Variants in SLC39A11 observed in about 807,000 individuals in gnomAD.
SLC39A11 encodes zinc transporter ZIP11.
A neutral mutation model predicts 36.1 loss-of-function variants in SLC39A11; 33 were observed. That is an observed-to-expected ratio of 0.91 (90% CI 0.69 to 1.22). SLC39A11 has a LOEUF of 1.22. SLC39A11 is among the 50% of genes most tolerant of loss of function. SLC39A11 has a pLI of 0.00. For missense variants in SLC39A11, 432 were observed against 430.3 expected, an observed-to-expected ratio of 1.00 and a Z score of -0.03; for synonymous variants, 166 against 170.3, an observed-to-expected ratio of 0.97 and a Z score of 0.20.
intron 6 of SLC39A11, among the ~76,000 whole-genome samples, chr17:72,806,042 C>A (rs933096560): frequency 1.3e-5 from 2 of 152,006 alleles, no homozygotes; most frequent in African/African-American, 4.8e-5. Flanking sequence ...TGTGAGCCAC[C>A]GCACCTGGTG....
At chr17:73,019,968 A>G (rs1005085754) in intron 4 of SLC39A11, among the ~76,000 whole-genome samples, 1 of 152,226 alleles carries the variant, frequency 6.6e-6, no homozygotes, top group Middle Eastern at 3.2e-3. Context: ...AACTATATTA[A>G]TATCAGGACA....
At chr17:72,997,802 TATCAGATCAACTGTCACG>T (rs1424993476) in intron 4 of SLC39A11, among the ~76,000 whole-genome samples, 3 of 152,206 alleles carry the variant, frequency 2.0e-5, no homozygotes, top group Non-Finnish European at 2.9e-5. Context: ...CCGTCTTGGT[TATCAGATCAACTGTCACG>T]ACTTCATGGT....
At chr17:72,786,735 C>G (rs11654280) in intron 6 of SLC39A11, among the ~76,000 whole-genome samples, 3 of 152,164 alleles carry the variant, frequency 2.0e-5, no homozygotes, top group Non-Finnish European at 2.9e-5. Context: ...GATTCTTGTA[C>G]TGTCCTGGGG....
chr17:72,732,649 T>A (rs1029797074), intron 7 of SLC39A11, among the ~76,000 whole-genome samples: 1 of 152,192 alleles, frequency 6.6e-6, no homozygotes, highest in East Asian at 1.9e-4. Context: ...CTGTGGTTTG[T>A]CTGTATTTTA....
intron 4 of SLC39A11, among the ~76,000 whole-genome samples, chr17:73,026,478 C>T (rs1049596665): frequency 7.3e-6 from 1 of 137,450 alleles, no homozygotes; most frequent in African/African-American, 2.8e-5. Context: ...AGGATCGCAC[C>T]ATTGTACTCC....
intron 6 of SLC39A11, among the ~76,000 whole-genome samples, chr17:72,739,653 G>A (rs753692021): frequency 2.6e-5 from 4 of 152,124 alleles, no homozygotes; most frequent in East Asian, 3.9e-4. Context: ...GCCTCTCAGC[G>A]TGCACGTGCA....
intron 6 of SLC39A11, among the ~76,000 whole-genome samples, chr17:72,745,112 G>A (rs1374355617): frequency 1.3e-5 from 2 of 152,244 alleles, no homozygotes; most frequent in South Asian, 2.1e-4. Flanking sequence ...AGAGTGCTGG[G>A]ATTACCGGCA....
intron 3 of SLC39A11, among the ~76,000 whole-genome samples, chr17:73,069,768 C>T (rs758093930): frequency 2.0e-5 from 3 of 152,106 alleles, no homozygotes; most frequent in Non-Finnish European, 4.4e-5. Context: ...AATTGATACT[C>T]AGTAAGTGCT....
intron 5 of SLC39A11, among the ~76,000 whole-genome samples, chr17:72,942,766 C>A (rs575140197): frequency 6.6e-6 from 1 of 152,166 alleles, no homozygotes; most frequent in Non-Finnish European, 1.5e-5. Flanking sequence ...GAGCTTATAG[C>A]GAGAACCAGC....
intron 7 of SLC39A11, among the ~76,000 whole-genome samples, chr17:72,680,334 G>T (rs549508138): frequency 6.6e-6 from 1 of 152,078 alleles, no homozygotes; most frequent in Admixed American, 6.6e-5. Flanking sequence ...AATATGATAC[G>T]GTTTGGCTGT....
intron 7 of SLC39A11, among the ~76,000 whole-genome samples, chr17:72,669,514 T>C (rs1159549481): frequency 6.6e-6 from 1 of 152,204 alleles, no homozygotes; most frequent in Non-Finnish European, 1.5e-5. Context: ...AGGTTATCCT[T>C]TTTTGGCAAG....
intron 6 of SLC39A11, among the ~76,000 whole-genome samples, chr17:72,842,078 A>G (rs868521449): frequency 4.1e-4 from 61 of 148,898 alleles, no homozygotes; most frequent in African/African-American, 9.9e-4. Flanking sequence ...TCAAAAAACT[A>G]TGTGTGTGTG....
chr17:73,002,380 C>T (rs952470303), intron 4 of SLC39A11, among the ~76,000 whole-genome samples: 8 of 152,264 alleles, frequency 5.3e-5, no homozygotes, highest in African/African-American at 9.6e-5. Context: ...TGATCTCAGT[C>T]GGTGGGATGC....
intron 5 of SLC39A11, among the ~76,000 whole-genome samples, chr17:72,855,266 A>G (rs754382693): frequency 1.3e-5 from 2 of 152,212 alleles, no homozygotes; most frequent in Non-Finnish European, 2.9e-5. Flanking sequence ...CACGGGCCCA[A>G]TCACACCAGC....
At chr17:72,782,532 T>C (rs376491119) in intron 6 of SLC39A11, among the ~76,000 whole-genome samples, 1 of 150,968 alleles carries the variant, frequency 6.6e-6, no homozygotes, top group South Asian at 2.1e-4. Context: ...CTACTGAAAA[T>C]ACAAAAATTA....
At chr17:72,793,990 T>C (rs2076805919) in intron 6 of SLC39A11, among the ~76,000 whole-genome samples, 1 of 152,112 alleles carries the variant, frequency 6.6e-6, no homozygotes, top group Admixed American at 6.5e-5. Flanking sequence ...AAAGAAAGCT[T>C]GAGGGACCCA....
intron 5 of SLC39A11, among the ~76,000 whole-genome samples, chr17:72,868,846 T>C (rs2060699502): frequency 6.6e-6 from 1 of 151,930 alleles, no homozygotes; most frequent in African/African-American, 2.4e-5. Context: ...ATTATATGAA[T>C]GGTAAAAATG....
At chr17:72,687,072 G>T (rs1265818982) in intron 7 of SLC39A11, among the ~76,000 whole-genome samples, 3 of 152,164 alleles carry the variant, frequency 2.0e-5, no homozygotes, top group Middle Eastern at 3.2e-3. Context: ...CTGTCACCCA[G>T]GCTGGAGTTT....
intron 7 of SLC39A11, among the ~76,000 whole-genome samples, chr17:72,688,827 G>C (rs1451919991): frequency 1.3e-5 from 2 of 152,214 alleles, no homozygotes; most frequent in Non-Finnish European, 2.9e-5. Flanking sequence ...AGAAAGGTCA[G>C]GTTCCCCCTG....
Sources: allele counts gnomAD v4.1 joint callset (sites outside exome capture counted in the v4.1 genomes callset), GRCh38; gene constraint gnomAD v4.1.1; transcripts MANE v1.5; gene names NCBI Gene and HGNC (gene_info 2026-07-23, HGNC 2026-07-21).